The following ZC2HC1A variants were observed in gnomAD, a reference collection of about 807,000 sequenced individuals.
ZC2HC1A encodes zinc finger C2HC-type containing 1A, also known as zinc finger C2HC domain-containing protein 1A.
Under a neutral mutation model 40.7 loss-of-function variants are expected in ZC2HC1A, and 28 were observed. The observed-to-expected ratio is 0.69, with a 90% CI of 0.51 to 0.94. The LOEUF (loss-of-function observed/expected upper bound fraction) is 0.94. Among genes scored for constraint, ZC2HC1A ranks in the 40% least tolerant of loss-of-function variants. The pLI is 0.00. For missense variants in ZC2HC1A, 389 were observed against 386.3 expected (o/e 1.01, Z -0.06); for synonymous variants, 129 against 129.2 (o/e 1.00, Z 0.01).
At chr8:78,714,393 C>CA (rs1402748502) in intron 7 of ZC2HC1A, among the ~76,000 whole-genome samples, 1 of 152,100 alleles carries the variant, frequency 6.6e-6, no homozygotes, top group African/African-American at 2.4e-5. Context: ...ATAGTGGCAA[C>CA]AACAGTAGTA....
intron 3 of ZC2HC1A, among the ~76,000 whole-genome samples, chr8:78,682,615 A>G (rs1160911877): frequency 3.3e-5 from 5 of 152,212 alleles, no homozygotes; most frequent in African/African-American, 4.8e-5. Context: ...GAGAACTACA[A>G]TTCAAGATGA....
chr8:78,682,979 G>T (rs948831979), intron 3 of ZC2HC1A, among the ~76,000 whole-genome samples: 2 of 152,226 alleles, frequency 1.3e-5, no homozygotes, highest in Non-Finnish European at 2.9e-5. Context: ...GCTCTGAAAC[G>T]ATCTCCTTTG....
At chr8:78,697,547 C>G in intron 6 of ZC2HC1A, 41 bp downstream of exon 6, 1 of 1,492,900 alleles carries the variant, frequency 6.7e-7, no homozygotes, top group Non-Finnish European at 9.3e-7. Flanking sequence ...TTTTTGAAAC[C>G]ATGTTGGCAG....
intron 7 of ZC2HC1A, among the ~76,000 whole-genome samples, chr8:78,708,110 T>G (rs1229903531): frequency 6.6e-6 from 1 of 152,214 alleles, no homozygotes; most frequent in Non-Finnish European, 1.5e-5. Flanking sequence ...GTATGACAAC[T>G]GTTATTTCGA....
chr8:78,675,928 A>T, intron 2 of ZC2HC1A, 65 bp downstream of exon 2: 1 of 1,395,746 alleles, frequency 7.2e-7, no homozygotes, highest in Admixed American at 1.8e-5. Context: ...AATTCTGGTC[A>T]ATTCTCATGG....
At chr8:78,713,511 T>C (rs1811010181) in intron 7 of ZC2HC1A, among the ~76,000 whole-genome samples, 1 of 150,836 alleles carries the variant, frequency 6.6e-6, no homozygotes, top group African/African-American at 2.4e-5. Context: ...TCTTTGACAA[T>C]GATTTCCTAA....
chr8:78,680,543 G>T (rs1040030901), intron 3 of ZC2HC1A, among the ~76,000 whole-genome samples: 1 of 152,190 alleles, frequency 6.6e-6, no homozygotes, highest in Non-Finnish European at 1.5e-5. Context: ...AATGTTGTAA[G>T]TGTAGTTCTT....
intron 7 of ZC2HC1A, among the ~76,000 whole-genome samples, chr8:78,702,023 T>C (rs1453798238): frequency 6.6e-6 from 1 of 152,180 alleles, no homozygotes; most frequent in Non-Finnish European, 1.5e-5. Flanking sequence ...CTTCTCAATT[T>C]TTTGGAATAA....
At chr8:78,715,389 A>G in intron 8 of ZC2HC1A, 61 bp downstream of exon 8, 2 of 1,437,364 alleles carry the variant, frequency 1.4e-6, no homozygotes, top group South Asian at 2.6e-5. Context: ...TAGTTTTCCA[A>G]GGACCATACA....
At chr8:78,708,110 T>C (rs1229903531) in intron 7 of ZC2HC1A, among the ~76,000 whole-genome samples, 1 of 152,214 alleles carries the variant, frequency 6.6e-6, no homozygotes, top group Non-Finnish European at 1.5e-5. Flanking sequence ...GTATGACAAC[T>C]GTTATTTCGA....
chr8:78,700,368 G>A lies in ZC2HC1A; in HGVS notation c.704+1855G>A, dbSNP rs149955511. On this transcript the variant is annotated intron_variant, in intron 7 of 8. Coordinates refer to ENST00000263849, the MANE Select transcript of ZC2HC1A (RefSeq NM_016010.3). ...TTTCTTGTAAGTTTGTTTTTTTCTT[G>A]TAAGTTTGTTTGTTAAATTATAGAT... 5.9e-3 allele frequency among the ~76,000 whole-genome samples: 898 copies of A among 151,112 alleles called. 9 individuals are homozygous for A. The highest frequency in any genetic ancestry group is 0.02 in the African/African-American group (842 of 41,164).
chr8:78,681,901 C>CTTTTTTTTTTTT (rs56181953), intron 3 of ZC2HC1A, among the ~76,000 whole-genome samples: 7 of 126,466 alleles, frequency 5.5e-5, no homozygotes, highest in East Asian at 2.3e-4. Flanking sequence ...CTTTTTCTTT[C>CTTTTTTTTTTTT]TTTTTTTTTT....
At chr8:78,695,721 A>G (rs1810378991) in intron 5 of ZC2HC1A, among the ~76,000 whole-genome samples, 1 of 152,242 alleles carries the variant, frequency 6.6e-6, no homozygotes, top group South Asian at 2.1e-4. Flanking sequence ...TTAAAAAATC[A>G]GTATCATTAT....
intron 5 of ZC2HC1A, among the ~76,000 whole-genome samples, chr8:78,692,362 A>AT (rs1455857690): frequency 5.3e-5 from 8 of 152,040 alleles, no homozygotes; most frequent in African/African-American, 1.7e-4. Flanking sequence ...TATTATTACT[A>AT]TTTTTTAATC....
At chr8:78,712,989 T>G (rs1407076691) in intron 7 of ZC2HC1A, among the ~76,000 whole-genome samples, 1 of 152,190 alleles carries the variant, frequency 6.6e-6, no homozygotes, top group Non-Finnish European at 1.5e-5. Context: ...TTTTAAGTAG[T>G]GATAAATCCT....
Position 78,711,059 on chromosome 8 carries a change from A to G in ZC2HC1A, c.705-4162A>G, listed in dbSNP as rs550021471. On this transcript the variant is annotated intron_variant, in intron 7 of 8. Coordinates refer to ENST00000263849, the MANE Select transcript of ZC2HC1A (RefSeq NM_016010.3). ...AATGGAGCACAGTGCCTGACACATA[A>G]TAGATGCTCATAATAGATGCTCAGG... is the stretch of plus-strand genomic sequence containing the variant. Among the ~76,000 whole-genome samples, 23 of 152,222 alleles carry G rather than the reference A, an allele frequency of 1.5e-4. 1 individual carries two copies. Among genetic ancestry groups the G allele is most frequent in the Non-Finnish European group, 2.9e-4 (20 of 67,948 alleles).
chr8:78,706,311 C>T (rs930891325), intron 7 of ZC2HC1A, among the ~76,000 whole-genome samples: 5 of 152,114 alleles, frequency 3.3e-5, no homozygotes, highest in South Asian at 4.1e-4. Context: ...AGGGTATGTA[C>T]GGGGGTCTAA....
intron 7 of ZC2HC1A, among the ~76,000 whole-genome samples, chr8:78,710,921 T>G (rs993027260): frequency 6.6e-6 from 1 of 152,100 alleles, no homozygotes; most frequent in African/African-American, 2.4e-5. Context: ...ATTAATAAAA[T>G]GTGTCCCTCC....
chr8:78,704,605 T>C (rs1381464698), intron 7 of ZC2HC1A, among the ~76,000 whole-genome samples: 1 of 152,158 alleles, frequency 6.6e-6, no homozygotes, highest in Non-Finnish European at 1.5e-5. Context: ...AGTATCTTAC[T>C]GGGGTTCTCT....
Sources: allele counts gnomAD v4.1 joint callset (sites outside exome capture counted in the v4.1 genomes callset), GRCh38; gene constraint gnomAD v4.1.1; transcripts MANE v1.5; gene names NCBI Gene and HGNC (gene_info 2026-07-23, HGNC 2026-07-21).